The following BBS9 variants were observed in gnomAD, a reference collection of about 807,000 sequenced individuals.
BBS9 encodes Bardet-Biedl syndrome 9, also known as protein PTHB1.
In BBS9, 89 loss-of-function variants were observed where a neutral mutation model predicts 117.7. That is an observed-to-expected ratio of 0.76 (90% confidence interval 0.64 to 0.90). The LOEUF (loss-of-function observed/expected upper bound fraction) is 0.90, where lower values mean the gene tolerates loss of function less well. Among genes scored for constraint, BBS9 ranks in the 40% least tolerant of loss-of-function variants. The pLI, the probability that BBS9 is intolerant of heterozygous loss-of-function variation, is 0.00. For missense variants in BBS9, 982 were observed against 1,042.2 expected (o/e 0.94, Z 0.80); for synonymous variants, 379 against 370.9 (o/e 1.02, Z -0.25).
At chr7:33,425,536 T>G (rs2128867178) in intron 19 of BBS9, among the ~76,000 whole-genome samples, 1 of 152,262 alleles carries the variant, frequency 6.6e-6, no homozygotes, top group African/African-American at 2.4e-5. Context: ...CAGTGTGTGT[T>G]GTTCCCCTCC....
intron 15 of BBS9, among the ~76,000 whole-genome samples, chr7:33,356,403 A>T (rs1819622815): frequency 6.6e-6 from 1 of 151,824 alleles, no homozygotes; most frequent in Non-Finnish European, 1.5e-5. Context: ...ACAAATACAC[A>T]TGCCTCTAAA....
intron 5 of BBS9, among the ~76,000 whole-genome samples, chr7:33,235,543 G>A (rs1793315594): frequency 6.6e-6 from 1 of 152,058 alleles, no homozygotes; most frequent in African/African-American, 2.4e-5. Context: ...GTAGTTTTGT[G>A]GCATTCTTTT....
At chr7:33,258,786 A>G (rs1214911628) in intron 6 of BBS9, among the ~76,000 whole-genome samples, 1 of 152,210 alleles carries the variant, frequency 6.6e-6, no homozygotes, top group Admixed American at 6.5e-5. Context: ...AAATATGTGC[A>G]TAGGAATTAA....
At chr7:33,553,555 T>C (rs948395171) in intron 21 of BBS9, among the ~76,000 whole-genome samples, 1 of 152,220 alleles carries the variant, frequency 6.6e-6, no homozygotes, top group Non-Finnish European at 1.5e-5. Context: ...CTATTTTATT[T>C]TCATTCCCTT....
intron 20 of BBS9, among the ~76,000 whole-genome samples, chr7:33,507,921 C>T (rs1184745291): frequency 1.3e-5 from 2 of 152,070 alleles, no homozygotes; most frequent in Admixed American, 6.6e-5. Flanking sequence ...CTTGTCATGG[C>T]GTTTTTTATT....
At chr7:33,243,099 G>A (rs1794800616) in intron 5 of BBS9, 2 of 426,612 alleles carry the variant, frequency 4.7e-6, no homozygotes, top group East Asian at 5.8e-5. Context: ...TAATTCGGAA[G>A]TCTTTCATTT....
chr7:33,459,815 G>C (rs1055828967), intron 19 of BBS9, among the ~76,000 whole-genome samples: 7 of 152,158 alleles, frequency 4.6e-5, no homozygotes, highest in African/African-American at 1.4e-4. Flanking sequence ...AGCTTAATTT[G>C]TTAATGAGAC....
intron 5 of BBS9, among the ~76,000 whole-genome samples, chr7:33,180,446 C>T (rs973633796): frequency 5.3e-5 from 8 of 150,492 alleles, no homozygotes; most frequent in East Asian, 2.0e-4. Context: ...CTGCAACCTC[C>T]GACTCCCTGG....
chr7:33,321,241 A>G (rs983934360), intron 9 of BBS9, among the ~76,000 whole-genome samples: 3 of 151,988 alleles, frequency 2.0e-5, no homozygotes, highest in Non-Finnish European at 4.4e-5. Flanking sequence ...TTCCATATAA[A>G]TCACTGGATT....
intron 21 of BBS9, among the ~76,000 whole-genome samples, chr7:33,633,323 TTAAAAA>T (rs1418080463): frequency 6.6e-6 from 1 of 151,998 alleles, no homozygotes; most frequent in Non-Finnish European, 1.5e-5. Flanking sequence ...AAAAAAAACT[TTAAAAA>T]GCACTTGATT....
intron 7 of BBS9, among the ~76,000 whole-genome samples, chr7:33,265,428 G>C (rs192051947): frequency 1.3e-5 from 2 of 152,208 alleles, no homozygotes; most frequent in East Asian, 3.9e-4. Context: ...AATAGTTAAA[G>C]CACAGATTGA....
intron 19 of BBS9, among the ~76,000 whole-genome samples, chr7:33,463,234 A>G (rs1361513016): frequency 1.3e-5 from 2 of 152,102 alleles, no homozygotes; most frequent in African/African-American, 4.8e-5. Context: ...ATCCTTGCTT[A>G]GCGTCACGTA....
intron 20 of BBS9, among the ~76,000 whole-genome samples, chr7:33,520,152 GCACCTGACA>G (rs1848398770): frequency 2.0e-5 from 3 of 151,924 alleles, no homozygotes; most frequent in South Asian, 2.1e-4. Flanking sequence ...GGGATTACAG[GCACCTGACA>G]CTGCACCCAA....
intron 9 of BBS9, among the ~76,000 whole-genome samples, chr7:33,301,314 T>G (rs1226269195): frequency 1.3e-5 from 2 of 152,000 alleles, no homozygotes; most frequent in African/African-American, 4.8e-5. Context: ...AATATATAAT[T>G]AAATTATTTT....
chr7:33,556,608 T>C (rs925770947), intron 21 of BBS9, among the ~76,000 whole-genome samples: 3 of 152,192 alleles, frequency 2.0e-5, no homozygotes, highest in Admixed American at 2.0e-4. Context: ...AAAGGTGTAC[T>C]GGTCAGAGGC....
intron 2 of BBS9, 24 bp from the exon 3 acceptor site, chr7:33,152,676 CT>C (rs538470220): frequency 0.025 from 26,665 of 1,064,300 alleles, no homozygotes; most frequent in South Asian, 0.027. Context: ...CTCCCTCTAT[CT>C]TTTTTTTTTT....
chr7:33,611,655 T>TAAG (rs1864876295), intron 21 of BBS9, among the ~76,000 whole-genome samples: 2 of 138,864 alleles, frequency 1.4e-5, no homozygotes, highest in Non-Finnish European at 3.1e-5. Flanking sequence ...GTATATTATA[T>TAAG]ATTAAATGAT....
intron 16 of BBS9, among the ~76,000 whole-genome samples, chr7:33,361,718 G>A (rs1489373531): frequency 6.6e-6 from 1 of 151,450 alleles, no homozygotes; most frequent in Non-Finnish European, 1.5e-5. Context: ...ATATTTTTAG[G>A]TAGTAAAATT....
intron 19 of BBS9, among the ~76,000 whole-genome samples, chr7:33,399,696 C>T (rs1828597169): frequency 6.6e-6 from 1 of 152,122 alleles, no homozygotes; most frequent in African/African-American, 2.4e-5. Flanking sequence ...TCATCTAGTG[C>T]CAGCTCCTAA....
Sources: gnomAD v4.1 joint callset for allele counts (sites outside exome capture counted in the v4.1 genomes callset) on GRCh38, gnomAD v4.1.1 for gene constraint, MANE v1.5 for transcripts, NCBI Gene and HGNC (gene_info 2026-07-23, HGNC 2026-07-21) for gene names.